Variants in PAK4 observed in about 807,000 individuals in gnomAD.
PAK4 encodes the protein p21 (RAC1) activated kinase 4.
In PAK4, 49 loss-of-function variants were observed where a neutral mutation model predicts 53.5. The observed-to-expected ratio is 0.92, with a 90% CI of 0.73 to 1.16. The LOEUF (loss-of-function observed/expected upper bound fraction) is 1.16, where lower values mean the gene tolerates loss of function less well. PAK4 is among the 50% of genes most tolerant of loss of function. The probability of loss-of-function intolerance (pLI) is 0.00; values close to 1 mark genes in which losing one functional copy is unlikely to be tolerated. For missense variants in PAK4, 824 were observed against 850.7 expected (o/e 0.97, Z 0.39); for synonymous variants, 376 against 375.6 (o/e 1.00, Z -0.01).
exon 2 of PAK4, chr19:39,169,722 G>T (rs774829221): frequency 1.9e-6 from 3 of 1,609,568 alleles, no homozygotes; most frequent in African/African-American, 1.3e-5. Flanking sequence ...CGTCGACCCC[G>T]CCTGCATCAC....
intron 1 of PAK4, among the ~76,000 whole-genome samples, chr19:39,146,010 G>T (rs920661734): frequency 2.0e-5 from 3 of 152,246 alleles, no homozygotes; most frequent in African/African-American, 7.2e-5. Flanking sequence ...AAATGGAATT[G>T]TGTGAGGGTT....
chr19:39,151,803 C>T (rs1329014463), intron 1 of PAK4, among the ~76,000 whole-genome samples: 1 of 152,238 alleles, frequency 6.6e-6, no homozygotes, highest in Non-Finnish European at 1.5e-5. Flanking sequence ...GATGGACTCT[C>T]TGTCACCCAG....
chr19:39,163,342 G>C (rs11882711), intron 1 of PAK4, among the ~76,000 whole-genome samples: 2,839 of 152,312 alleles, frequency 0.019, 92 homozygotes, highest in African/African-American at 0.065. Flanking sequence ...TGTGTTCTGG[G>C]TGGGCCAGCC....
At chr19:39,156,693 G>C (rs1782802750) in intron 1 of PAK4, 1 of 152,230 alleles carries the variant, frequency 6.6e-6, no homozygotes, top group Non-Finnish European at 1.5e-5. Flanking sequence ...CTGCCCTGCA[G>C]GCTGGAGCAT....
At chr19:39,181,029 A>G (rs1309151695), downstream of PAK4, 1 of 152,196 alleles carries the variant, frequency 6.6e-6, no homozygotes, top group Non-Finnish European at 1.5e-5. Context: ...CTGTGACCCC[A>G]CGGTAACTCT....
intron 1 of PAK4, among the ~76,000 whole-genome samples, chr19:39,147,580 T>C (rs1285577777): frequency 6.6e-6 from 1 of 152,206 alleles, no homozygotes; most frequent in Non-Finnish European, 1.5e-5. Context: ...AACCATTTTC[T>C]AGAGTGGCTG....
chr19:39,178,400 T>C lies in PAK4; in HGVS notation c.1621-24T>C. On this transcript the variant is annotated intron_variant, in intron 8 of 8. Coordinates refer to ENST00000358301, the Ensembl canonical transcript of PAK4. The surrounding 1 kb of genome is among the most constrained non-coding windows in gnomAD (Gnocchi z 4.4). ...ATGAACAGTGGGGAGCCTCGCCCCCTGACCCTCCCCTCCTTCTCGACAGGT... is the reference window on the plus strand; with the variant it reads ...ATGAACAGTGGGGAGCCTCGCCCCCCGACCCTCCCCTCCTTCTCGACAGGT... The C allele has an allele frequency of 1.3e-6, 2 of 1,565,290 alleles. No homozygotes were observed. The highest frequency in any genetic ancestry group is 2.4e-5 in the South Asian group (2 of 85,064).
At chr19:39,160,609 C>G (rs1453959354) in intron 1 of PAK4, among the ~76,000 whole-genome samples, 2 of 152,178 alleles carry the variant, frequency 1.3e-5, no homozygotes, top group African/African-American at 4.8e-5. Context: ...GAGGCTGGAA[C>G]AGCTGTGATG....
At chr19:39,144,157 TAGATTAGATTAGATAGA>T (rs1232737286) in intron 1 of PAK4, among the ~76,000 whole-genome samples, 3 of 42,960 alleles carry the variant, frequency 7.0e-5, no homozygotes, top group Admixed American at 2.6e-4. Context: ...GATAGATAGA[TAGATTAGATTAGATAGA>T]TAGATAGATA....
intron 1 of PAK4, among the ~76,000 whole-genome samples, chr19:39,154,805 C>G (rs1292096189): frequency 6.8e-6 from 1 of 147,724 alleles, no homozygotes; most frequent in Non-Finnish European, 1.5e-5. Context: ...TGCCCCACCC[C>G]CCACCCCATG....
chr19:39,129,530 C>T (rs2073660295), intron 1 of PAK4, among the ~76,000 whole-genome samples: 1 of 152,176 alleles, frequency 6.6e-6, no homozygotes, highest in African/African-American at 2.4e-5. Flanking sequence ...CCAGCAGGCT[C>T]CGGGGCTCCC....
intron 1 of PAK4, among the ~76,000 whole-genome samples, chr19:39,166,798 G>A (rs751340821): frequency 1.3e-3 from 195 of 152,324 alleles, no homozygotes; most frequent in Non-Finnish European, 9.1e-4. Context: ...GAGGTCAGGA[G>A]CATCTGTTGG....
intron 1 of PAK4, among the ~76,000 whole-genome samples, chr19:39,160,313 C>G (rs1319332096): frequency 6.6e-6 from 1 of 152,152 alleles, no homozygotes; most frequent in African/African-American, 2.4e-5. Context: ...AGATATGTCT[C>G]GAGCACCTAC....
chr19:39,129,771 A>G (rs2073666046), intron 1 of PAK4, among the ~76,000 whole-genome samples: 1 of 152,198 alleles, frequency 6.6e-6, no homozygotes, highest in African/African-American at 2.4e-5. Flanking sequence ...TTGGGCATCC[A>G]GGACGGTGAC....
chr19:39,166,443 A>G (rs1335925082), intron 1 of PAK4, among the ~76,000 whole-genome samples: 1 of 152,208 alleles, frequency 6.6e-6, no homozygotes, highest in Non-Finnish European at 1.5e-5. Context: ...GACTCCGTTT[A>G]AAATAAATAA....
At chr19:39,156,969 G>A (rs2074194980) in intron 1 of PAK4, 1 of 152,490 alleles carries the variant, frequency 6.6e-6, no homozygotes, top group Non-Finnish European at 1.5e-5. Context: ...ACCTTTCTTG[G>A]GGTTGGAGCG....
chr19:39,169,405 AC>A, intron 1 of PAK4, 126 bp from the exon 3 acceptor site: 1 of 692,202 alleles, frequency 1.4e-6, no homozygotes, highest in Non-Finnish European at 2.5e-6. Context: ...GGGCAGGGAG[AC>A]CCAGAAGGAG....
At chr19:39,154,794 A>C (rs962841897) in intron 1 of PAK4, among the ~76,000 whole-genome samples, 1 of 150,180 alleles carries the variant, frequency 6.7e-6, no homozygotes, top group South Asian at 2.2e-4. Context: ...TACTCGACAA[A>C]TGCCCCACCC....
intron 2 of PAK4, among the ~76,000 whole-genome samples, chr19:39,170,639 C>T (rs545668194): frequency 7.1e-4 from 108 of 152,304 alleles, no homozygotes; most frequent in African/African-American, 2.3e-3. Context: ...TTGCATCCAG[C>T]GGGTGGAGAT....
Sources: gnomAD v4.1 joint callset for allele counts (sites outside exome capture counted in the v4.1 genomes callset) on GRCh38, gnomAD v4.1.1 for gene constraint, Gnocchi (gnomAD v3.1) non-coding constraint, MANE v1.5 for transcripts, NCBI Gene and HGNC (gene_info 2026-07-23, HGNC 2026-07-21) for gene names.